Variants in DCUN1D4 observed in about 807,000 individuals in gnomAD.
The protein encoded by DCUN1D4 is defective in cullin neddylation 1 domain containing 4.
Under a neutral mutation model 47.9 loss-of-function variants are expected in DCUN1D4, and 22 were observed. That is an observed-to-expected ratio of 0.46 (90% CI 0.33 to 0.66). The LOEUF is 0.66. DCUN1D4 is among the 30% of genes least tolerant of loss of function. DCUN1D4 has a pLI of 0.02. For missense variants in DCUN1D4, 301 were observed against 340.8 expected, an observed-to-expected ratio of 0.88 and a Z score of 0.92; for synonymous variants, 121 against 112.2, an observed-to-expected ratio of 1.08 and a Z score of -0.50.
At chr4:51,864,214 A>G (rs1725537022) in intron 3 of DCUN1D4, among the ~76,000 whole-genome samples, 1 of 152,158 alleles carries the variant, frequency 6.6e-6, no homozygotes, top group African/African-American at 2.4e-5. Context: ...TTTAAAGTAC[A>G]GATGTTAGGT....
chr4:51,873,384 G>GGT (rs903810216), intron 3 of DCUN1D4, among the ~76,000 whole-genome samples: 2 of 152,230 alleles, frequency 1.3e-5, no homozygotes, highest in African/African-American at 4.8e-5. Flanking sequence ...CTTGTACCAA[G>GGT]GTGGGGTATT....
chr4:51,904,204 G>A (rs566124195), intron 8 of DCUN1D4, among the ~76,000 whole-genome samples: 83 of 152,188 alleles, frequency 5.5e-4, no homozygotes, highest in Non-Finnish European at 1.0e-3. Context: ...GTCTTGATAG[G>A]GATGATTTGG....
In DCUN1D4 at chr4:51,886,652, A is replaced by T. The variant is rs1163221787; in HGVS notation, c.414+14A>T. 4 of 1,610,408 alleles carry T rather than the reference A, an allele frequency of 2.5e-6. No individual in the cohort carries two copies. The highest frequency in any genetic ancestry group is 1.7e-5 in the Admixed American group (1 of 59,984). On this transcript the variant is annotated intron_variant, in intron 6 of 10. Coordinates refer to ENST00000334635, the MANE Select transcript of DCUN1D4 (RefSeq NM_001040402.3). ...GAACCAGAAAACGTGAGTCAAACTT[A>T]CTGAGTTGGGTGAATCAGTTGGTTG...
At chr4:51,869,399 G>A (rs1027384633) in intron 3 of DCUN1D4, among the ~76,000 whole-genome samples, 5 of 152,142 alleles carry the variant, frequency 3.3e-5, no homozygotes, top group African/African-American at 1.2e-4. Flanking sequence ...TATATAAAAA[G>A]TACTGAAGTG....
At chr4:51,911,946 C>T (rs902733088) in intron 9 of DCUN1D4, among the ~76,000 whole-genome samples, 25 of 152,028 alleles carry the variant, frequency 1.6e-4, no homozygotes, top group African/African-American at 5.8e-4. Flanking sequence ...AATGCTGGGC[C>T]GTAAGATGAC....
At chr4:51,901,033 C>T (rs1003574236) in intron 8 of DCUN1D4, among the ~76,000 whole-genome samples, 7 of 152,110 alleles carry the variant, frequency 4.6e-5, no homozygotes, top group Admixed American at 2.0e-4. Flanking sequence ...TCCACTGCAG[C>T]CTCACCGGTG....
At position 51,915,169 on chromosome 4, in the gene DCUN1D4, C is replaced by A. The variant is rs918280909; in HGVS notation, c.*1585C>A. ...TGACCACTATTTTACCATTTCTTTG[C>A]AAACAGTGTTCACATTTTCATATTT... On this transcript the variant is annotated 3_prime_UTR_variant, in exon 11 of 11. Transcript: ENST00000334635. 6.6e-6 allele frequency: 1 copy of A among 152,600 alleles called. No individual in the cohort carries two copies. Among genetic ancestry groups the A allele is most frequent in the African/African-American group, 2.4e-5 (1 of 41,528 alleles). The allele number at this position is 152,600 out of a possible 1,614,324, so 9.5% of individuals were successfully genotyped here.
At chr4:51,870,758 G>A (rs1726764045) in intron 3 of DCUN1D4, among the ~76,000 whole-genome samples, 1 of 152,208 alleles carries the variant, frequency 6.6e-6, no homozygotes, top group Non-Finnish European at 1.5e-5. Flanking sequence ...AACCATTGGG[G>A]GAGCAGGTTT....
chr4:51,913,762 C>G lies in DCUN1D4; in HGVS notation c.*178C>G. 1.8e-6 allele frequency: 1 copy of G among 564,682 alleles called. No individual in the cohort carries two copies. Among genetic ancestry groups the G allele is most frequent in the Non-Finnish European group, 3.1e-6 (1 of 325,060 alleles). 35.0% of individuals were successfully genotyped at this position (564,682 alleles called of 1,614,324 possible). A position where few individuals can be genotyped will look rare whatever the true frequency, so the allele number is the denominator to read the frequency against. On this transcript the variant is annotated 3_prime_UTR_variant, in exon 11 of 11. Coordinates refer to ENST00000334635, the MANE Select transcript of DCUN1D4 (RefSeq NM_001040402.3). Reference sequence around the variant, plus strand: ...TCTGCTTGCTGTGTGGCATTGTTCTCTTGGAAGGCTGCTTTGCAGTTTGTA... The same window carrying G: ...TCTGCTTGCTGTGTGGCATTGTTCTGTTGGAAGGCTGCTTTGCAGTTTGTA...
intron 4 of DCUN1D4, among the ~76,000 whole-genome samples, chr4:51,876,104 A>G (rs776017041): frequency 1.1e-4 from 16 of 152,190 alleles, no homozygotes; most frequent in Non-Finnish European, 2.1e-4. Flanking sequence ...AATCAGAGGC[A>G]TATACTGATA....
intron 6 of DCUN1D4, among the ~76,000 whole-genome samples, chr4:51,889,475 C>A (rs537580395): frequency 3.3e-5 from 5 of 152,244 alleles, no homozygotes; most frequent in Middle Eastern, 3.4e-3. Context: ...ACTTAGATTT[C>A]TTGTTAGTTA....
At chr4:51,866,559 A>G (rs1725958329) in intron 3 of DCUN1D4, among the ~76,000 whole-genome samples, 1 of 152,170 alleles carries the variant, frequency 6.6e-6, no homozygotes, top group Non-Finnish European at 1.5e-5. Context: ...ATTTTATAAT[A>G]CGTTCCTTCA....
the DCUN1D4 span, among the ~76,000 whole-genome samples, chr4:51,833,993 G>C: frequency 6.7e-6 from 1 of 149,882 alleles, no homozygotes; most frequent in Non-Finnish European, 1.5e-5. Context: ...GCCTGGCTTG[G>C]GGAAGTATTT....
intron 1 of DCUN1D4, among the ~76,000 whole-genome samples, chr4:51,861,161 T>C (rs1269865131): frequency 6.6e-6 from 1 of 152,194 alleles, no homozygotes; most frequent in Admixed American, 6.5e-5. Context: ...ACTTTACAGA[T>C]GAGAAAATTG....
intron 3 of DCUN1D4, among the ~76,000 whole-genome samples, chr4:51,869,851 T>G (rs1726596497): frequency 2.0e-5 from 3 of 152,238 alleles, no homozygotes; most frequent in Admixed American, 2.0e-4. Flanking sequence ...TTGACTGATT[T>G]ATTTGAAATC....
rs17085205 is a variant in DCUN1D4 at position 51,845,685 on chromosome 4, A to C, written c.25+2418A>C. The stretch of plus-strand genomic sequence containing the variant: ...TGTATGTAATATATAAGGTATTATG[A>C]AACTACTTGCAACATAGTCATTAGA... On this transcript the variant is annotated intron_variant, in intron 1 of 10. Coordinates refer to ENST00000334635, the MANE Select transcript of DCUN1D4 (RefSeq NM_001040402.3). 3.4e-3 allele frequency among the ~76,000 whole-genome samples: 523 copies of C among 152,352 alleles called. 4 individuals are homozygous for C. The highest frequency in any genetic ancestry group is 0.012 in the African/African-American group (483 of 41,566).
chr4:51,855,312 T>C (rs555228556), intron 1 of DCUN1D4, among the ~76,000 whole-genome samples: 1 of 152,218 alleles, frequency 6.6e-6, no homozygotes, highest in Non-Finnish European at 1.5e-5. Flanking sequence ...TGGTGATGTT[T>C]GCACAACTCT....
intron 1 of DCUN1D4, among the ~76,000 whole-genome samples, chr4:51,853,283 T>C (rs187896314): frequency 2.6e-5 from 4 of 152,372 alleles, no homozygotes; most frequent in Non-Finnish European, 5.9e-5. Context: ...CTGTGTTCAG[T>C]GAAAATGCTG....
At chr4:51,868,934 A>G (rs1336894209) in intron 3 of DCUN1D4, among the ~76,000 whole-genome samples, 2 of 152,118 alleles carry the variant, frequency 1.3e-5, no homozygotes, top group Admixed American at 6.6e-5. Flanking sequence ...CCTGGGCAAC[A>G]TGGTGAAACC....
Sources: gnomAD v4.1 joint callset for allele counts (sites outside exome capture counted in the v4.1 genomes callset) on GRCh38, gnomAD v4.1.1 for gene constraint, MANE v1.5 for transcripts, NCBI Gene and HGNC (gene_info 2026-07-23, HGNC 2026-07-21) for gene names.